The following NDUFAF1 variants were observed in gnomAD, a reference collection of about 807,000 sequenced individuals.
NDUFAF1 encodes complex I intermediate-associated protein 30, mitochondrial.
In NDUFAF1, 18 loss-of-function variants were observed where a neutral mutation model predicts 28.7. The ratio of observed to expected loss-of-function variants is 0.63; its 90% confidence interval spans 0.43 to 0.93. The LOEUF (loss-of-function observed/expected upper bound fraction) is 0.93. NDUFAF1 is among the 40% of genes least tolerant of loss of function. The pLI, the probability that NDUFAF1 is intolerant of heterozygous loss-of-function variation, is 0.00. For synonymous variants in NDUFAF1, 113 were observed against 139.7 expected, an observed-to-expected ratio of 0.81 and a Z score of 1.35; for missense variants, 404 against 398.3, an observed-to-expected ratio of 1.01 and a Z score of -0.12.
rs1480501195 is a variant in NDUFAF1 at position 41,388,604 on chromosome 15, T to G, written c.760-82A>C. 3.3e-6 allele frequency: 3 copies of G among 911,138 alleles called. No homozygotes were observed. In the African/African-American group the frequency reaches 4.9e-5, roughly 15 times the overall value. 56.4% of individuals were successfully genotyped at this position (911,138 alleles called of 1,614,324 possible). On this transcript the variant is annotated intron_variant, in intron 3 of 4. Coordinates refer to ENST00000260361, the MANE Select transcript of NDUFAF1 (RefSeq NM_016013.4). ...ATGTAATTGTAACGATAAAATGAGT[T>G]TACATTTATTCTAAAATTATGTCAT...
chr15:41,402,670 A>G (rs1048773631), upstream of NDUFAF1, among the ~76,000 whole-genome samples: 22 of 150,382 alleles, frequency 1.5e-4, no homozygotes, highest in Non-Finnish European at 3.1e-4. Context: ...GAGAATTCAG[A>G]TAAGTTTTTC....
rs772181845 is a variant in NDUFAF1 at position 41,396,828 on chromosome 15, G to T, written c.232C>A (p.Pro78Thr). Residue 78 changes from proline to threonine, a missense_variant, in exon 2 of 5, where the codon CCT becomes ACT. Transcript: ENST00000260361. ...ATTGCTTTATCGAAACTAACATCAG[G>T]CTTCTCCTCAGAAGAAGTTATATCC... ...ALDITSSEEKPDVSFDKAIRD... is the reference protein window; with the variant it reads ...ALDITSSEEKTDVSFDKAIRD... 6.2e-7 allele frequency: 1 copy of T among 1,614,042 alleles called. No homozygotes were observed. The highest frequency in any genetic ancestry group is 8.5e-7 in the Non-Finnish European group (1 of 1,180,016).
intron 3 of NDUFAF1, among the ~76,000 whole-genome samples, chr15:41,390,982 T>TCCCGCCACTG (rs1291198145): frequency 1.3e-5 from 2 of 151,946 alleles, no homozygotes; most frequent in East Asian, 3.9e-4. Flanking sequence ...TGAGCCGAGA[T>TCCCGCCACTG]CCCGCCACTG....
chr15:41,391,346 G>A (rs1595631490), intron 3 of NDUFAF1, among the ~76,000 whole-genome samples: 1 of 152,040 alleles, frequency 6.6e-6, no homozygotes, highest in African/African-American at 2.4e-5. Context: ...AGGGCCAGGT[G>A]TGGTGGCTCA....
At chr15:41,400,335 C>T (rs572941735) in intron 1 of NDUFAF1, among the ~76,000 whole-genome samples, 4 of 147,596 alleles carry the variant, frequency 2.7e-5, no homozygotes, top group African/African-American at 1.0e-4. Flanking sequence ...CGCCATTGCA[C>T]TCCAGCCTGG....
intron 1 of NDUFAF1, among the ~76,000 whole-genome samples, chr15:41,398,477 A>C (rs2140926534): frequency 1.4e-5 from 2 of 146,584 alleles, no homozygotes; most frequent in African/African-American, 5.0e-5. Flanking sequence ...GCAAAATTCC[A>C]TGTGAAAAAA....
chr15:41,394,422 A>G (rs985056323), intron 3 of NDUFAF1: 2 of 1,271,348 alleles, frequency 1.6e-6, no homozygotes, highest in African/African-American at 3.1e-5. Flanking sequence ...TTGGACACAG[A>G]GCAGAGATGT....
At chr15:41,402,031 G>A in intron 1 of NDUFAF1, 113 bp downstream of exon 1, 1 of 241,866 alleles carries the variant, frequency 4.1e-6, no homozygotes, top group Non-Finnish European at 8.9e-6. Flanking sequence ...CCAGTAAACA[G>A]AAAATCTAAA....
chr15:41,398,654 A>G (rs2050422516), intron 1 of NDUFAF1, among the ~76,000 whole-genome samples: 1 of 151,950 alleles, frequency 6.6e-6, no homozygotes, highest in East Asian at 2.0e-4. Context: ...ATGCCCAGCT[A>G]ATTTTTTTAA....
chr15:41,392,309 A>C (rs1595632371), intron 3 of NDUFAF1, among the ~76,000 whole-genome samples: 1 of 151,990 alleles, frequency 6.6e-6, no homozygotes, highest in African/African-American at 2.4e-5. Flanking sequence ...CCTGACCTCA[A>C]GTGATCTGCC....
rs149257811 is a variant in NDUFAF1, at chr15:41,394,926, T to C, written c.692A>G (p.Gln231Arg). 125 of 1,614,184 alleles carry C rather than the reference T, an allele frequency of 7.7e-5. 1 individual carries two copies. The African/African-American group carries it at 1.6e-3, about 20-fold the overall frequency. ...GTAACTATACATCTGATTCGTCCTC[T>C]GGAAGAAATCTGTGTCCTCCTTGAT... ...VNIKEDTDFF[Q>R]RTNQMYSYFM... Residue 231 changes from glutamine to arginine, a missense_variant, in exon 3 of 5, where the codon CAG (glutamine) becomes CGG (arginine). Transcript: ENST00000260361.
In NDUFAF1 at chr15:41,402,431, G is replaced by T; in HGVS notation, c.-369C>A. 2.3e-6 allele frequency: 1 copy of T among 434,114 alleles called. No individual in the cohort carries two copies. The allele number at this position is 434,114 out of a possible 1,614,324, so 26.9% of individuals were successfully genotyped here. A position where few individuals can be genotyped will look rare whatever the true frequency, so the allele number is the denominator to read the frequency against. ...CACACCCGGGACACACCAACCGCCGGCCTGCCGCCGCTTACCTCCCCGAGC... is the reference window on the plus strand; with the variant it reads ...CACACCCGGGACACACCAACCGCCGTCCTGCCGCCGCTTACCTCCCCGAGC... On this transcript the variant is annotated 5_prime_UTR_variant, in exon 1 of 5. Transcript: ENST00000260361.
chr15:41,398,011 G>A lies in NDUFAF1; in HGVS notation c.-81-871C>T, dbSNP rs1377551952. The stretch of plus-strand genomic sequence containing the variant: ...CTGCACTCCAGCCTGGCAACAGAGC[G>A]AGACTCTGTCTCAAAAAAAAAAAAA... On this transcript the variant is annotated intron_variant, in intron 1 of 4. Transcript: ENST00000260361. 1.2e-4 allele frequency among the ~76,000 whole-genome samples: 14 copies of A among 116,586 alleles called. No homozygotes were observed. The East Asian group carries it at 2.8e-3, about 23-fold the overall frequency. 76.5% of individuals were successfully genotyped at this position (116,586 alleles called of 152,430 possible).
intron 1 of NDUFAF1, among the ~76,000 whole-genome samples, chr15:41,398,890 G>A (rs2050426079): frequency 6.6e-6 from 1 of 151,500 alleles, no homozygotes; most frequent in African/African-American, 2.4e-5. Flanking sequence ...AGGAGGCGGA[G>A]GTTGCAAGTG....
rs1349988353 is a variant in NDUFAF1 at position 41,402,339 on chromosome 15, G to C, written c.-277C>G. ...CCGCACTCACGGCCTGGCCTCCGGA[G>C]GCTAGACGGTTCGCCGCGCTGGGGA... is the stretch of plus-strand genomic sequence containing the variant. On this transcript the variant is annotated 5_prime_UTR_variant, in exon 1 of 5. Coordinates refer to ENST00000260361, the MANE Select transcript of NDUFAF1 (RefSeq NM_016013.4). 8.8e-6 allele frequency: 4 copies of C among 454,020 alleles called. No individual in the cohort carries two copies. The highest frequency in any genetic ancestry group is 6.2e-5 in the South Asian group (4 of 64,476). The allele number at this position is 454,020 out of a possible 1,614,324, so 28.1% of individuals were successfully genotyped here. A position where few individuals can be genotyped will look rare whatever the true frequency, so the allele number is the denominator to read the frequency against.
chr15:41,401,020 A>G (rs1345710622), intron 1 of NDUFAF1, among the ~76,000 whole-genome samples: 1 of 149,092 alleles, frequency 6.7e-6, no homozygotes, highest in Non-Finnish European at 1.5e-5. Context: ...CAGGCTAGAG[A>G]TCTCCGCTCA....
Position 41,394,992 on chromosome 15 carries a change from T to C in NDUFAF1, c.626A>G (p.Tyr209Cys), listed in dbSNP as rs1566823923. The C allele has an allele frequency of 6.2e-7, 1 of 1,614,158 alleles. No homozygotes were observed. Among genetic ancestry groups the C allele is most frequent in the Admixed American group, 1.7e-5 (1 of 59,998 alleles). ...SYDWSQFNTL[Y>C]LRVRGDGRPW... is the part of the protein sequence containing the mutation. ...CCGACCATCCCCACGTACACGGAGATACAGAGTATTGAACTGGGACCAATC... is the reference window on the plus strand; with the variant it reads ...CCGACCATCCCCACGTACACGGAGACACAGAGTATTGAACTGGGACCAATC... Residue 209 changes from tyrosine to cysteine, a missense_variant, in exon 3 of 5, where the codon TAT (tyrosine) becomes TGT (cysteine). Coordinates refer to ENST00000260361, the MANE Select transcript of NDUFAF1 (RefSeq NM_016013.4).
chr15:41,387,542 G>C lies in NDUFAF1; in HGVS notation c.886C>G (p.Leu296Val). 6.2e-7 allele frequency: 1 copy of C among 1,612,418 alleles called. No individual in the cohort carries two copies. The highest frequency in any genetic ancestry group is 1.3e-5 in the African/African-American group (1 of 74,970). The change falls in exon 5 of 5, where the codon CTG becomes GTG. Residue 296 changes from leucine (L) to valine (V), a missense_variant. By Grantham distance (32) the Leu-to-Val change is conservative. Transcript: ENST00000260361. ...AACACGCCAATAAAATCTATCTCCAGGAAGAATGGACCATCCACTTTATCA... is the reference window on the plus strand; with the variant it reads ...AACACGCCAATAAAATCTATCTCCACGAAGAATGGACCATCCACTTTATCA... ...LADKVDGPFF[L>V]EIDFIGVFTD...
At chr15:41,393,626 G>A (rs1185870211) in intron 3 of NDUFAF1, among the ~76,000 whole-genome samples, 1 of 141,354 alleles carries the variant, frequency 7.1e-6, no homozygotes, top group Non-Finnish European at 1.5e-5. Context: ...TCTGTCGCCA[G>A]GCTGGAGAGC....
Sources: gnomAD v4.1 joint callset for allele counts (sites outside exome capture counted in the v4.1 genomes callset) on GRCh38, gnomAD v4.1.1 for gene constraint, MANE v1.5 for transcripts, NCBI Gene and HGNC (gene_info 2026-07-23, HGNC 2026-07-21) for gene names.